The following CYBC1 variants were observed in gnomAD, a reference collection of about 807,000 sequenced individuals.
CYBC1 encodes essential for reactive oxygen species protein.
Under a neutral mutation model 21.7 loss-of-function variants are expected in CYBC1, and 22 were observed. The ratio of observed to expected loss-of-function variants is 1.02; its 90% CI spans 0.73 to 1.45. CYBC1 has a LOEUF of 1.45. Among genes scored for constraint, CYBC1 ranks in the 40% most tolerant of loss-of-function variants. The pLI, the probability that CYBC1 is intolerant of heterozygous loss-of-function variation, is 0.00. For missense variants in CYBC1, 237 were observed against 242.1 expected (o/e 0.98, Z 0.14); for synonymous variants, 112 against 98.7 (o/e 1.13, Z -0.80).
chr17:82,444,619 C>T, intron 5 of CYBC1, 28 bp from the exon 6 acceptor site: 2 of 1,570,758 alleles, frequency 1.3e-6, no homozygotes, highest in Non-Finnish European at 1.7e-6. Context: ...GTGGCCGAGC[C>T]ATCCCCGCCC....
intron 1 of CYBC1, chr17:82,449,656 C>A: frequency 5.3e-6 from 1 of 188,284 alleles, no homozygotes; most frequent in Non-Finnish European, 1.1e-5. Context: ...TGTGGGCACC[C>A]CCTCTCCCCT....
Position 82,442,771 on chromosome 17 carries a change from G to A in CYBC1, c.*1233C>T. On this transcript the variant is annotated 3_prime_UTR_variant, in exon 7 of 7. Coordinates refer to ENST00000306645, the MANE Select transcript of CYBC1 (RefSeq NM_001033046.4). This position sits in a 1 kb window ranked among gnomAD's most constrained non-coding sequence, Gnocchi z 6.8. ...CACCGAGGTCACAGCCAGACGTGGGGCAAAGGTGTTCCCTGTCCTACCCAG... is the reference window on the plus strand; with the variant it reads ...CACCGAGGTCACAGCCAGACGTGGGACAAAGGTGTTCCCTGTCCTACCCAG... 2 of 618,982 alleles carry A rather than the reference G, an allele frequency of 3.2e-6. No individual in the cohort carries two copies. Among genetic ancestry groups the A allele is most frequent in the Non-Finnish European group, 5.5e-6 (2 of 362,702 alleles). 38.3% of individuals were successfully genotyped at this position (618,982 alleles called of 1,614,324 possible).
intron 5 of CYBC1, 153 bp from the exon 6 acceptor site, chr17:82,444,744 A>T: frequency 1.0e-6 from 1 of 995,794 alleles, no homozygotes. Flanking sequence ...GCCCCGGAGG[A>T]CTGCTGTGGC....
intron 2 of CYBC1, 103 bp downstream of exon 2, chr17:82,449,067 C>G: frequency 1.1e-6 from 1 of 932,476 alleles, no homozygotes; most frequent in Non-Finnish European, 1.6e-6. Context: ...CATTAGATTT[C>G]AAGGTAATAG....
chr17:82,445,618 C>T (rs2054236414), intron 5 of CYBC1: 2 of 434,486 alleles, frequency 4.6e-6, no homozygotes, highest in Admixed American at 4.0e-5. Context: ...GCTCCTCCCA[C>T]TCTCCCCAGG....
intron 2 of CYBC1, 22 bp downstream of exon 2, chr17:82,449,148 G>A (rs1008410398): frequency 1.3e-6 from 2 of 1,535,096 alleles, no homozygotes; most frequent in African/African-American, 1.4e-5. Context: ...GGGGTTCTGG[G>A]GAGGGACGTG....
chr17:82,443,560 G>C lies in CYBC1; in HGVS notation c.*444C>G. The C allele has an allele frequency of 4.4e-5, 30 of 688,408 alleles. No homozygotes were observed. Among genetic ancestry groups the C allele is most frequent in the Non-Finnish European group, 6.1e-5 (23 of 377,582 alleles). The allele number at this position is 688,408 out of a possible 1,614,324, so 42.6% of individuals were successfully genotyped here. On this transcript the variant is annotated 3_prime_UTR_variant, in exon 7 of 7. Coordinates refer to ENST00000306645, the MANE Select transcript of CYBC1 (RefSeq NM_001033046.4). This position sits in a 1 kb window ranked among gnomAD's most constrained non-coding sequence, Gnocchi z 6.7. Reference sequence around the variant, plus strand: ...ACCCACAAGGGCCCGGCCTGGCCCCGCCTCTCCACTCGCCCGAGGTCTTGC... The same window carrying C: ...ACCCACAAGGGCCCGGCCTGGCCCCCCCTCTCCACTCGCCCGAGGTCTTGC...
In CYBC1 at chr17:82,447,301, C is replaced by T. The variant is rs1037052556; in HGVS notation, c.127+279G>A. 1.0e-5 allele frequency: 5 copies of T among 482,744 alleles called. No homozygotes were observed. In the East Asian group the frequency reaches 1.2e-4, roughly 12 times the overall value. The allele number at this position is 482,744 out of a possible 1,614,324, so 29.9% of individuals were successfully genotyped here. A position where few individuals can be genotyped will look rare whatever the true frequency, so the allele number is the denominator to read the frequency against. ...CCGGGAGGCGGAGCTTGCAGTGAGC[C>T]GAGATCCCGCCACTGCACTCCAGCC... On this transcript the variant is annotated intron_variant, in intron 3 of 6. Transcript: ENST00000306645.
In CYBC1 at chr17:82,444,450, C is replaced by T. The variant is rs143814965; in HGVS notation, c.440G>A (p.Arg147His). The T allele has an allele frequency of 3.9e-5, 62 of 1,605,292 alleles. No homozygotes were observed. The highest frequency in any genetic ancestry group is 3.3e-4 in the Middle Eastern group (2 of 6,058). Residue 147 changes from arginine (R) to histidine (H), a missense_variant, in exon 6 of 7, where the codon CGC becomes CAC. Arg to His is a conservative substitution (Grantham distance 29). Transcript: ENST00000306645. ...PLTQSAVMGH[R>H]SDVEAIAKLI... ...GATCAAAGTCCCACAGCCTTACCTG[C>T]GGTGGCCCATGACTGCACTCTGCGT...
rs368353037 is a variant in CYBC1, at chr17:82,443,105, C to T, written c.*899G>A. 32 of 202,638 alleles carry T rather than the reference C, an allele frequency of 1.6e-4. No homozygotes were observed. The South Asian group carries it at 2.6e-3, about 16-fold the overall frequency. The allele number at this position is 202,638 out of a possible 1,614,324, so 12.6% of individuals were successfully genotyped here. A position where few individuals can be genotyped will look rare whatever the true frequency, so the allele number is the denominator to read the frequency against. On this transcript the variant is annotated 3_prime_UTR_variant, in exon 7 of 7. Transcript: ENST00000306645. The surrounding 1 kb of genome is among the most constrained non-coding windows in gnomAD (Gnocchi z 6.7). Reference sequence around the variant, plus strand: ...GTTAGTTTTTTTACAAAGACAGGATCTTGCTGTGTTGCCCAGGCTGGTCTT... The same window carrying T: ...GTTAGTTTTTTTACAAAGACAGGATTTTGCTGTGTTGCCCAGGCTGGTCTT...
intron 6 of CYBC1, 107 bp from the exon 7 acceptor site, chr17:82,444,231 A>G (rs2054134032): frequency 2.9e-5 from 43 of 1,506,904 alleles, no homozygotes; most frequent in Non-Finnish European, 3.6e-5. Context: ...CAGACCCTGG[A>G]GCTCCCAAAC....
At chr17:82,446,041 AC>A in intron 4 of CYBC1, 81 bp from the exon 5 acceptor site, 1 of 1,060,764 alleles carries the variant, frequency 9.4e-7, no homozygotes, top group Non-Finnish European at 1.4e-6. Flanking sequence ...CCCCACCCTC[AC>A]CAGGGTGGAC....
chr17:82,444,067 C>T lies in CYBC1; in HGVS notation c.501G>A (p.Glu167=), dbSNP rs746607234. Residue 167 remains glutamate (E), a synonymous_variant, in exon 7 of 7, where the codon GAG becomes GAA. Transcript: ENST00000306645. ...ITSFLELHCL[E]SPTELSQSSD... is the part of the protein sequence containing the mutation. ...TGCTCTGAGACAGCTCTGTGGGGCTCTCAAGGCAGTGCAGCTCCAGGAAGC... is the reference window on the plus strand; with the variant it reads ...TGCTCTGAGACAGCTCTGTGGGGCTTTCAAGGCAGTGCAGCTCCAGGAAGC... 20 of 1,613,662 alleles carry T rather than the reference C, an allele frequency of 1.2e-5. No individual in the cohort carries two copies. Among genetic ancestry groups the T allele is most frequent in the Non-Finnish European group, 1.4e-5 (17 of 1,179,988 alleles).
rs574264440 is a variant in CYBC1 at position 82,446,768 on chromosome 17, C to A, written c.128-72G>T. On this transcript the variant is annotated intron_variant, in intron 3 of 6. Transcript: ENST00000306645. Reference sequence around the variant, plus strand: ...CCACGGGAGGCCCCGCCTAGCACAGCCTCCCCCAGACGCTGGCCAGAGCCC... The same window carrying A: ...CCACGGGAGGCCCCGCCTAGCACAGACTCCCCCAGACGCTGGCCAGAGCCC... 6.7e-4 allele frequency: 1,003 copies of A among 1,486,336 alleles called. 8 individuals are homozygous for A. The African/African-American group carries it at 0.012, about 18-fold the overall frequency. 92.1% of individuals were successfully genotyped at this position (1,486,336 alleles called of 1,614,324 possible). A position where few individuals can be genotyped will look rare whatever the true frequency, so the allele number is the denominator to read the frequency against.
At chr17:82,450,352 T>G (rs1433453003) in intron 1 of CYBC1, 1 of 152,174 alleles carries the variant, frequency 6.6e-6, no homozygotes, top group East Asian at 1.9e-4. Context: ...CTGGGCTCCC[T>G]CCCGGGCCTC....
In CYBC1 at chr17:82,444,498, G is replaced by C. The variant is rs145403707; in HGVS notation, c.392C>G (p.Ala131Gly). 2 of 1,613,874 alleles carry C rather than the reference G, an allele frequency of 1.2e-6. No individual in the cohort carries two copies. The highest frequency in any genetic ancestry group is 1.7e-6 in the Non-Finnish European group (2 of 1,179,878). ...GKGYMVVLRL[A>G]TGFSHPLTQS... is the part of the protein sequence containing the mutation. ...CGTGAGGGGGTGGGAGAAGCCCGTC[G>C]CAAGCCGGAGCACCACCATGTAGCC... The change falls in exon 6 of 7, where the codon GCG (alanine) becomes GGG (glycine). Residue 131 changes from alanine (A) to glycine (G), a missense_variant. By Grantham distance (60) the Ala-to-Gly change is moderately conservative (BLOSUM62 0). Transcript: ENST00000306645.
At chr17:82,450,278 T>A (rs570780365) in intron 1 of CYBC1, 8 of 151,872 alleles carry the variant, frequency 5.3e-5, no homozygotes, top group Admixed American at 4.6e-4. Context: ...TGAGACCGTG[T>A]CTCAAAAAAA....
At chr17:82,449,353 T>A in intron 1 of CYBC1, 61 bp from the exon 2 acceptor site, 1 of 873,210 alleles carries the variant, frequency 1.1e-6, no homozygotes, top group Non-Finnish European at 1.6e-6. Flanking sequence ...GCCCACGCCA[T>A]CAGGCCCAGT....
At position 82,443,615 on chromosome 17, in the gene CYBC1, C is replaced by A; in HGVS notation, c.*389G>T. The A allele has an allele frequency of 1.4e-6, 1 of 717,392 alleles. No homozygotes were observed. Among genetic ancestry groups the A allele is most frequent in the Non-Finnish European group, 2.5e-6 (1 of 393,500 alleles). 44.4% of individuals were successfully genotyped at this position (717,392 alleles called of 1,614,324 possible). A position where few individuals can be genotyped will look rare whatever the true frequency, so the allele number is the denominator to read the frequency against. Reference sequence around the variant, plus strand: ...GCCCAAAGCAGGAGTCCAGGGCTGGCGAGACCTCCGGCTGCAGAAAGGCAG... The same window carrying A: ...GCCCAAAGCAGGAGTCCAGGGCTGGAGAGACCTCCGGCTGCAGAAAGGCAG... On this transcript the variant is annotated 3_prime_UTR_variant, in exon 7 of 7. Transcript: ENST00000306645. The surrounding 1 kb of genome is among the most constrained non-coding windows in gnomAD (Gnocchi z 6.7).
Sources: gnomAD v4.1 joint callset for allele counts on GRCh38, gnomAD v4.1.1 for gene constraint, Gnocchi (gnomAD v3.1) non-coding constraint, MANE v1.5 for transcripts, NCBI Gene and HGNC (gene_info 2026-07-23, HGNC 2026-07-21) for gene names.